Variants in IRAK2 observed in about 807,000 individuals in gnomAD.
IRAK2 encodes interleukin 1 receptor associated kinase 2.
Under a neutral mutation model 72.0 loss-of-function variants are expected in IRAK2, and 57 were observed. That is an observed-to-expected ratio of 0.79 (90% CI 0.64 to 0.99). The LOEUF is 0.99. Among genes scored for constraint, IRAK2 ranks in the 50% least tolerant of loss-of-function variants. IRAK2 has a pLI of 0.00. For missense variants in IRAK2, 790 were observed against 794.4 expected, an observed-to-expected ratio of 0.99 and a Z score of 0.07; for synonymous variants, 293 against 312.7, an observed-to-expected ratio of 0.94 and a Z score of 0.67.
chr3:10,214,684 T>C (rs1466562230), intron 6 of IRAK2, among the ~76,000 whole-genome samples: 1 of 152,138 alleles, frequency 6.6e-6, no homozygotes, highest in Non-Finnish European at 1.5e-5. Flanking sequence ...TGGTGGTTTA[T>C]GCCTGTAATC....
intron 2 of IRAK2, among the ~76,000 whole-genome samples, chr3:10,188,419 C>T (rs1275290659): frequency 6.6e-6 from 1 of 152,248 alleles, no homozygotes; most frequent in East Asian, 1.9e-4. Context: ...ACTGCAACCT[C>T]CGCCTCCCGG....
rs1358379372 is a variant in IRAK2, at chr3:10,236,560, C to G, written c.1473+1901C>G. 2.0e-5 allele frequency among the ~76,000 whole-genome samples: 3 copies of G among 151,964 alleles called. No individual in the cohort carries two copies. The East Asian group carries it at 5.8e-4, about 29-fold the overall frequency. ...ATGGGGTTTCACTATGTTGGCCAAG[C>G]TGGTCTCGAACTCCTGACCTCAGGT... On this transcript the variant is annotated intron_variant, in intron 11 of 12. Coordinates refer to ENST00000256458, the MANE Select transcript of IRAK2 (RefSeq NM_001570.4).
In IRAK2 at chr3:10,209,609, C is replaced by T; in HGVS notation, c.445C>T (p.His149Tyr). The T allele has an allele frequency of 4.5e-6, 7 of 1,566,568 alleles. No homozygotes were observed. The highest frequency in any genetic ancestry group is 6.0e-6 in the Non-Finnish European group (7 of 1,159,106). Residue 149 changes from histidine to tyrosine, a missense_variant, in exon 4 of 13, where the codon CAC (histidine) becomes TAC (tyrosine). His to Tyr is a moderately conservative substitution (Grantham distance 83). Transcript: ENST00000256458. ...TCCAGGGTCCTCTCCAGCCAGAGCC[C>T]ACCAGCCGGCCTTTCTCCAGCCTCC... Reference protein sequence around the residue: ...PGPGSSPARAHQPAFLQPPEE... With the variant: ...PGPGSSPARAYQPAFLQPPEE...
Position 10,183,371 on chromosome 3 carries a change from G to A in IRAK2, c.277+5351G>A, listed in dbSNP as rs1049977798. On this transcript the variant is annotated intron_variant, in intron 2 of 12. Transcript: ENST00000256458. ...GTCTCTGTTCCTTGATATTTCCTCAGCCTTAGTTGCCAAGGCCGTAGTTAT... is the reference window on the plus strand; with the variant it reads ...GTCTCTGTTCCTTGATATTTCCTCAACCTTAGTTGCCAAGGCCGTAGTTAT... 3.3e-5 allele frequency among the ~76,000 whole-genome samples: 5 copies of A among 152,294 alleles called. 1 individual carries two copies. The highest frequency in any genetic ancestry group is 3.3e-4 in the Admixed American group (5 of 15,294).
At chr3:10,226,253 T>G (rs1032451495) in intron 9 of IRAK2, 118 bp from the exon 10 acceptor site, 33 of 709,422 alleles carry the variant, frequency 4.7e-5, no homozygotes, top group Non-Finnish European at 6.8e-5. Context: ...CAGGTGTGTC[T>G]GCTGGCAATG....
At chr3:10,178,327 T>A (rs555063532) in intron 2 of IRAK2, among the ~76,000 whole-genome samples, 1 of 151,982 alleles carries the variant, frequency 6.6e-6, no homozygotes, top group South Asian at 2.1e-4. Context: ...CTTGGTGGCC[T>A]GCGCCTGTAA....
chr3:10,242,645 C>T lies in IRAK2; in HGVS notation c.*417C>T, dbSNP rs1698079897. ...ATAGCATTTTCCAGAGCTAAGATCT[C>T]TGGGTTGTATTTGCTGACAGCCTGC... On this transcript the variant is annotated 3_prime_UTR_variant, in exon 13 of 13. Coordinates refer to ENST00000256458, the MANE Select transcript of IRAK2 (RefSeq NM_001570.4). 6.5e-6 allele frequency: 1 copy of T among 152,900 alleles called. No individual in the cohort carries two copies. Among genetic ancestry groups the T allele is most frequent in the South Asian group, 2.1e-4 (1 of 4,852 alleles). The allele number at this position is 152,900 out of a possible 1,614,324, so 9.5% of individuals were successfully genotyped here.
chr3:10,196,033 G>A (rs1262904640), intron 2 of IRAK2, among the ~76,000 whole-genome samples: 2 of 152,218 alleles, frequency 1.3e-5, no homozygotes, highest in Admixed American at 6.5e-5. Flanking sequence ...CCCTGGGAGC[G>A]ACAGCTCTGT....
chr3:10,167,178 A>G (rs1696707157), intron 1 of IRAK2, among the ~76,000 whole-genome samples: 1 of 152,198 alleles, frequency 6.6e-6, no homozygotes, highest in Non-Finnish European at 1.5e-5. Context: ...GGTATTTAGT[A>G]TATTCACAGG....
At position 10,165,105 on chromosome 3, in the gene IRAK2, C is replaced by A. The variant is rs571566202; in HGVS notation, c.94+57C>A. The A allele has an allele frequency of 2.7e-6, 4 of 1,473,136 alleles. No individual in the cohort carries two copies. In the East Asian group the frequency reaches 7.1e-5, roughly 26 times the overall value. The allele number at this position is 1,473,136 out of a possible 1,614,324, so 91.3% of individuals were successfully genotyped here. A position where few individuals can be genotyped will look rare whatever the true frequency, so the allele number is the denominator to read the frequency against. On this transcript the variant is annotated intron_variant, in intron 1 of 12. Transcript: ENST00000256458. ...GGGCGACCGGAGCCCCCAGCGATCC[C>A]GCCTGGAGCGGCCGCCAAGCTCCCT... is the stretch of plus-strand genomic sequence containing the variant.
chr3:10,182,962 G>A (rs949426588), intron 2 of IRAK2, among the ~76,000 whole-genome samples: 7 of 151,858 alleles, frequency 4.6e-5, no homozygotes, highest in East Asian at 1.9e-4. Context: ...AATAGAGATG[G>A]GGTTTCACCA....
At chr3:10,202,313 A>G (rs1697371388) in intron 3 of IRAK2, among the ~76,000 whole-genome samples, 1 of 152,214 alleles carries the variant, frequency 6.6e-6, no homozygotes, top group Non-Finnish European at 1.5e-5. Context: ...TTCTTTATCT[A>G]GGTTACTGTA....
At chr3:10,174,010 G>A (rs1696836501) in intron 1 of IRAK2, among the ~76,000 whole-genome samples, 1 of 152,136 alleles carries the variant, frequency 6.6e-6, no homozygotes, top group African/African-American at 2.4e-5. Context: ...GGCTGTGGCT[G>A]AGTTCCTGCT....
At chr3:10,184,985 C>T (rs2125145503) in intron 2 of IRAK2, among the ~76,000 whole-genome samples, 2 of 150,870 alleles carry the variant, frequency 1.3e-5, no homozygotes, top group African/African-American at 4.9e-5. Flanking sequence ...CCCGCCTTGG[C>T]CTCCCAAAGT....
chr3:10,213,582 C>G (rs1422852389), intron 6 of IRAK2, 34 bp downstream of exon 6: 1 of 1,527,940 alleles, frequency 6.5e-7, no homozygotes, highest in Non-Finnish European at 9.1e-7. Flanking sequence ...ATAATGATAG[C>G]TAACCTTTAT....
At chr3:10,169,343 T>A (rs1696754730) in intron 1 of IRAK2, among the ~76,000 whole-genome samples, 2 of 152,290 alleles carry the variant, frequency 1.3e-5, no homozygotes, top group African/African-American at 4.8e-5. Context: ...CCAATCCTAG[T>A]AAGCCTGAGG....
At chr3:10,184,854 C>T (rs1330209806) in intron 2 of IRAK2, among the ~76,000 whole-genome samples, 2 of 150,402 alleles carry the variant, frequency 1.3e-5, no homozygotes, top group Admixed American at 6.6e-5. Flanking sequence ...CTCAGCCTCC[C>T]GAGTAGCTGG....
chr3:10,190,322 C>T (rs1697155969), intron 2 of IRAK2, among the ~76,000 whole-genome samples: 1 of 130,064 alleles, frequency 7.7e-6, no homozygotes, highest in East Asian at 2.2e-4. Flanking sequence ...ACTCTGTTGT[C>T]CAGGCTGAAG....
intron 10 of IRAK2, among the ~76,000 whole-genome samples, chr3:10,233,494 G>C (rs868618705): frequency 6.6e-6 from 1 of 151,958 alleles, no homozygotes; most frequent in Non-Finnish European, 1.5e-5. Flanking sequence ...TATAGCATAT[G>C]TTCTATTGTA....
Sources: allele counts gnomAD v4.1 joint callset (sites outside exome capture counted in the v4.1 genomes callset), GRCh38; gene constraint gnomAD v4.1.1; transcripts MANE v1.5; gene names NCBI Gene and HGNC (gene_info 2026-07-23, HGNC 2026-07-21).